The following MSANTD5 variants were observed in gnomAD, a reference collection of about 807,000 sequenced individuals.
MSANTD5 encodes Myb/SANT DNA binding domain containing 5.
At chr5:178,694,055 G>A (rs1013845164), downstream of MSANTD5, among the ~76,000 whole-genome samples, 2 of 151,978 alleles carry the variant, frequency 1.3e-5, no homozygotes, top group South Asian at 2.1e-4. Context: ...AGTGGCTCAC[G>A]CCTGTAATCC....
chr5:178,692,761 T>C (rs1286402482), downstream of MSANTD5, among the ~76,000 whole-genome samples: 1 of 151,992 alleles, frequency 6.6e-6, no homozygotes, highest in Non-Finnish European at 1.5e-5. Flanking sequence ...ATTTCAGCGG[T>C]TGCCAGGAGT....
At chr5:178,703,220 A>C in the MSANTD5 span, among the ~76,000 whole-genome samples, 1 of 152,228 alleles carries the variant, frequency 6.6e-6, no homozygotes, top group African/African-American at 2.4e-5. Context: ...GCACGCTCCC[A>C]TGGCAAGCCC....
chr5:178,705,558 G>A, the MSANTD5 span, among the ~76,000 whole-genome samples: 13 of 152,302 alleles, frequency 8.5e-5, 1 homozygote, highest in African/African-American at 3.1e-4. Context: ...TCAGGGCAGC[G>A]CCTAATCCAG....
the MSANTD5 span, among the ~76,000 whole-genome samples, chr5:178,703,745 G>A: frequency 6.6e-6 from 1 of 152,114 alleles, no homozygotes; most frequent in Non-Finnish European, 1.5e-5. Context: ...CACTTTGGGA[G>A]GCTGAGGCAG....
At chr5:178,700,274 G>A (rs536857809), upstream of MSANTD5, among the ~76,000 whole-genome samples, 92 of 152,216 alleles carry the variant, frequency 6.0e-4, no homozygotes, top group African/African-American at 2.1e-3. Flanking sequence ...TGGCCTATGC[G>A]TTCAGTGAAA....
At chr5:178,703,852 G>A in the MSANTD5 span, among the ~76,000 whole-genome samples, 13 of 151,646 alleles carry the variant, frequency 8.6e-5, no homozygotes, top group Non-Finnish European at 1.3e-4. Flanking sequence ...ATGGTGGCGC[G>A]TGCCCATAGT....
At chr5:178,705,480 C>T in the MSANTD5 span, among the ~76,000 whole-genome samples, 7 of 152,124 alleles carry the variant, frequency 4.6e-5, no homozygotes, top group African/African-American at 2.4e-5. Context: ...TATATCTCAC[C>T]CTCCAAGATG....
At chr5:178,694,264 C>T (rs564889139), downstream of MSANTD5, among the ~76,000 whole-genome samples, 41 of 146,160 alleles carry the variant, frequency 2.8e-4, no homozygotes, top group African/African-American at 9.3e-4. Context: ...TGCAGTGAGC[C>T]GAGATCATGC....
At chr5:178,703,751 G>C in the MSANTD5 span, among the ~76,000 whole-genome samples, 3 of 152,240 alleles carry the variant, frequency 2.0e-5, no homozygotes, top group African/African-American at 7.2e-5. Flanking sequence ...GGGAGGCTGA[G>C]GCAGGTGGAT....
chr5:178,692,072 TA>T (rs58907781), downstream of MSANTD5, among the ~76,000 whole-genome samples: 4,290 of 91,138 alleles, frequency 0.047, 556 homozygotes, highest in African/African-American at 0.15. Context: ...TGGCAGTTTC[TA>T]AAAAAAAAAA....
upstream of MSANTD5, among the ~76,000 whole-genome samples, chr5:178,702,589 G>A (rs1218488028): frequency 6.8e-6 from 1 of 146,690 alleles, no homozygotes; most frequent in East Asian, 2.1e-4. Flanking sequence ...GTGAGCCACC[G>A]CACCCAGCCA....
chr5:178,696,214 ATC>A (rs200012505), intron 1 of MSANTD5, 33 bp from the exon 2 acceptor site: 119 of 150,272 alleles, frequency 7.9e-4, no homozygotes, highest in Admixed American at 1.7e-3. Context: ...ACATATTAGA[ATC>A]TCTCTCTCTC....
chr5:178,704,714 G>A, the MSANTD5 span, among the ~76,000 whole-genome samples: 446 of 152,304 alleles, frequency 2.9e-3, 2 homozygotes, highest in East Asian at 0.016. Flanking sequence ...CCTGAGCTAC[G>A]GATGAGAACC....
chr5:178,699,363 C>T (rs949193894), upstream of MSANTD5, among the ~76,000 whole-genome samples: 11 of 152,214 alleles, frequency 7.2e-5, 1 homozygote, highest in East Asian at 1.7e-3. Flanking sequence ...GAAATAATTC[C>T]TGAATTCTTT....
intron 1 of MSANTD5, among the ~76,000 whole-genome samples, chr5:178,696,705 A>G (rs1001655960): frequency 6.6e-6 from 1 of 152,064 alleles, no homozygotes; most frequent in Non-Finnish European, 1.5e-5. Flanking sequence ...AGGGAAATCA[A>G]GCAGAGCGTG....
At chr5:178,697,820 C>G (rs1375253158), upstream of MSANTD5, 1 of 152,140 alleles carries the variant, frequency 6.6e-6, no homozygotes, top group Non-Finnish European at 1.5e-5. Flanking sequence ...TCAGACCCAC[C>G]CAACCTGGAG....
At chr5:178,693,663 T>A (rs1561608069), downstream of MSANTD5, among the ~76,000 whole-genome samples, 1 of 152,064 alleles carries the variant, frequency 6.6e-6, no homozygotes, top group Non-Finnish European at 1.5e-5. Flanking sequence ...CTGGCGCTGG[T>A]GGCCAGCTTT....
chr5:178,701,678 T>A (rs952356669), upstream of MSANTD5, among the ~76,000 whole-genome samples: 8 of 147,430 alleles, frequency 5.4e-5, no homozygotes, highest in East Asian at 5.9e-4. Flanking sequence ...ATCTCAAAAA[T>A]ATATATATAT....
At chr5:178,692,059 GT>G (rs1765361902), downstream of MSANTD5, among the ~76,000 whole-genome samples, 1 of 92,604 alleles carries the variant, frequency 1.1e-5, no homozygotes, top group African/African-American at 3.9e-5. Context: ...CTGGTAAAGA[GT>G]TTGGCAGTTT....
Sources: gnomAD v4.1 joint callset for allele counts (sites outside exome capture counted in the v4.1 genomes callset) on GRCh38, gnomAD v4.1.1 for gene constraint, MANE v1.5 for transcripts, NCBI Gene and HGNC (gene_info 2026-07-23, HGNC 2026-07-21) for gene names.